MAMLD1: variants seen among roughly 807,000 people sequenced by gnomAD.
MAMLD1 encodes the protein mastermind like domain containing 1, also known as mastermind-like domain-containing protein 1.
MAMLD1 carries 14 observed loss-of-function variants against 45.0 expected under a neutral mutation model. That is an observed-to-expected ratio of 0.31 (90% CI 0.21 to 0.49). The LOEUF is 0.49. Among genes scored for constraint, MAMLD1 ranks in the 20% least tolerant of loss-of-function variants. The pLI, the probability that MAMLD1 is intolerant of heterozygous loss-of-function variation, is 0.99. For synonymous variants in MAMLD1, 254 were observed against 247.8 expected (o/e 1.02, Z -0.24); for missense variants, 543 against 603.6 (o/e 0.90, Z 1.05).
chrX:150,445,618 A>C lies in MAMLD1; in HGVS notation c.96+6A>C. On this transcript the variant is annotated splice_donor_region_variant and intron_variant, in intron 2 of 7. Transcript: ENST00000370401. ...CCAGAAAGCTCCAGGAATCGGTCAG[A>C]CAATGGGCCATGGGGGGAGGGGGGT... The C allele has an allele frequency of 8.6e-7, 1 of 1,160,555 alleles. No homozygotes were observed. Among genetic ancestry groups the C allele is most frequent in the Non-Finnish European group, 1.2e-6 (1 of 849,609 alleles).
At chrX:150,490,873 G>T (rs1420514398) in intron 5 of MAMLD1, among the ~76,000 whole-genome samples, 1 of 112,133 alleles carries the variant, frequency 8.9e-6, no homozygotes. Context: ...TACAAGGCTG[G>T]TTCAGTCTAT....
chrX:150,382,948 A>G (rs1239021076), intron 1 of MAMLD1, among the ~76,000 whole-genome samples: 2 of 48,113 alleles, frequency 4.2e-5, no homozygotes, highest in East Asian at 9.4e-4. Flanking sequence ...TCTGTCGCCC[A>G]GGCTGGACTG....
Position 150,470,747 on chromosome X carries a change from A to T in MAMLD1, c.1174A>T (p.Thr392Ser). 8.3e-7 allele frequency: 1 copy of T among 1,211,908 alleles called. No homozygotes were observed. Among genetic ancestry groups the T allele is most frequent in the Non-Finnish European group, 1.1e-6 (1 of 895,525 alleles). Reference sequence around the variant, plus strand: ...TCCCAATGCCTTACTGTCAAGCATGACGTCCAGCAGCAATGCTGCCCTGGG... The same window carrying T: ...TCCCAATGCCTTACTGTCAAGCATGTCGTCCAGCAGCAATGCTGCCCTGGG... ...GSPNALLSSM[T>S]SSSNAALGPA... Residue 392 changes from threonine to serine, a missense_variant, in exon 4 of 8, where the codon ACG (threonine) becomes TCG (serine). Coordinates refer to ENST00000370401, the MANE Select transcript of MAMLD1 (RefSeq NM_005491.5).
At chrX:150,368,774 A>T (rs1448087007) in intron 1 of MAMLD1, among the ~76,000 whole-genome samples, 1 of 112,296 alleles carries the variant, frequency 8.9e-6, no homozygotes, top group Admixed American at 9.4e-5. Flanking sequence ...TCAGCTTTCT[A>T]CATATGGCTA....
chrX:150,510,718 G>A (rs957227545), intron 7 of MAMLD1, among the ~76,000 whole-genome samples: 23 of 112,578 alleles, frequency 2.0e-4, no homozygotes, highest in Non-Finnish European at 3.9e-4. Context: ...GGACCAGGCC[G>A]AGGGTAGTCT....
rs781978965 is a variant in MAMLD1 at position 150,373,626 on chromosome X, T to G, written c.-64+10096T>G. ...GCTCACTGGCATTTTCAGCCATGCC[T>G]TTGGCTGCCAAATCCCGAGCAAATC... On this transcript the variant is annotated intron_variant, in intron 1 of 7. Transcript: ENST00000370401. Among the ~76,000 whole-genome samples the G allele has an allele frequency of 3.6e-5, 4 of 111,824 alleles. No homozygotes were observed. The South Asian group carries it at 1.1e-3, about 32-fold the overall frequency.
rs139037749 is a variant in MAMLD1, at chrX:150,394,242, C to G, written c.-64+30712C>G. On this transcript the variant is annotated intron_variant, in intron 1 of 7. Transcript: ENST00000370401. The stretch of plus-strand genomic sequence containing the variant: ...CTGCCTTTGCTCCTTTGTCAAAGAA[C>G]AGTTGAGTATATTCCTGTGGGTCTA... Among the ~76,000 whole-genome samples, 526 of 96,022 alleles carry G rather than the reference C, an allele frequency of 5.5e-3. 2 individuals carry two copies. The highest frequency in any genetic ancestry group is 0.019 in the African/African-American group (507 of 26,151). 83.4% of individuals were successfully genotyped at this position (96,022 alleles called of 115,157 possible).
chrX:150,490,040 G>T (rs1175522378), intron 5 of MAMLD1, among the ~76,000 whole-genome samples: 1 of 112,173 alleles, frequency 8.9e-6, no homozygotes, highest in East Asian at 2.8e-4. Context: ...GCATTACTAT[G>T]CTCACCATGT....
intron 2 of MAMLD1, among the ~76,000 whole-genome samples, chrX:150,451,703 C>A (rs2124611784): frequency 9.0e-6 from 1 of 110,712 alleles, no homozygotes; most frequent in Admixed American, 9.6e-5. Context: ...CCCTTCCTTC[C>A]TGCCTTTCCC....
intron 1 of MAMLD1, among the ~76,000 whole-genome samples, chrX:150,368,624 G>A (rs1330716774): frequency 1.8e-5 from 2 of 111,727 alleles, no homozygotes; most frequent in East Asian, 5.6e-4. Flanking sequence ...TTTTAGACAT[G>A]AAGTCCTTGC....
In MAMLD1 at chrX:150,514,032, C is replaced by T. The variant is rs781971038; in HGVS notation, c.*2073C>T. The T allele has an allele frequency of 2.9e-4, 83 of 287,486 alleles. No homozygotes were observed. Among genetic ancestry groups the T allele is most frequent in the Non-Finnish European group, 4.2e-4 (70 of 164,826 alleles). 23.7% of individuals were successfully genotyped at this position (287,486 alleles called of 1,213,427 possible). ...TTATAGAAAACCCACACCCACTGTC[C>T]TGTAAACTTTTCTCAGTGTCCAGAC... On this transcript the variant is annotated 3_prime_UTR_variant, in exon 8 of 8. Transcript: ENST00000370401.
chrX:150,473,137 G>A (rs782110036), intron 4 of MAMLD1, among the ~76,000 whole-genome samples: 4 of 112,358 alleles, frequency 3.6e-5, no homozygotes, highest in East Asian at 5.6e-4. Context: ...ACCCAGAAGT[G>A]CCTGCAGCAC....
intron 1 of MAMLD1, among the ~76,000 whole-genome samples, chrX:150,425,562 G>A (rs1216790078): frequency 8.9e-6 from 1 of 112,162 alleles, no homozygotes; most frequent in Non-Finnish European, 1.9e-5. Flanking sequence ...AGCACACCAA[G>A]TCATCCAGGC....
chrX:150,403,536 T>A (rs1177281441), intron 1 of MAMLD1, among the ~76,000 whole-genome samples: 1 of 111,340 alleles, frequency 9.0e-6, no homozygotes, highest in Non-Finnish European at 1.9e-5. Flanking sequence ...AAATTGAAGG[T>A]CAAATTTGTG....
chrX:150,398,257 GAAGAAGAAGAAGAAGAAGAAGAAGAAGA>G (rs2033522086), intron 1 of MAMLD1, among the ~76,000 whole-genome samples: 1 of 24,081 alleles, frequency 4.2e-5, no homozygotes, highest in African/African-American at 1.6e-4. Flanking sequence ...AGAAGGAGAA[GAAGAAGAAGAAGAAGAAGAAGAAGAAGA>G]AGAAGAAGAA....
At chrX:150,435,673 G>A (rs1557404265) in intron 1 of MAMLD1, among the ~76,000 whole-genome samples, 1 of 112,441 alleles carries the variant, frequency 8.9e-6, no homozygotes, top group Non-Finnish European at 1.9e-5. Flanking sequence ...TACTCAACTT[G>A]GCACTCTGTG....
At chrX:150,503,683 G>T (rs1352891480) in intron 6 of MAMLD1, among the ~76,000 whole-genome samples, 166 bp downstream of exon 6, 2 of 112,340 alleles carry the variant, frequency 1.8e-5, no homozygotes, top group Non-Finnish European at 3.8e-5. Flanking sequence ...TGCTTCCTGG[G>T]CCTGCTTGTT....
At chrX:150,469,653 C>CTT in intron 3 of MAMLD1, 92 bp from the exon 4 acceptor site, 1 of 484,531 alleles carries the variant, frequency 2.1e-6, no homozygotes, top group Non-Finnish European at 3.4e-6. Flanking sequence ...CTCTCTCTCT[C>CTT]TCTGTGTGTG....
intron 4 of MAMLD1, among the ~76,000 whole-genome samples, chrX:150,473,013 A>G (rs2036475433): frequency 8.9e-6 from 1 of 112,047 alleles, no homozygotes; most frequent in Admixed American, 9.4e-5. Context: ...TAAAACAGTG[A>G]CCTGATCATG....
Sources: gnomAD v4.1 joint callset for allele counts (sites outside exome capture counted in the v4.1 genomes callset) on GRCh38, gnomAD v4.1.1 for gene constraint, MANE v1.5 for transcripts, NCBI Gene and HGNC (gene_info 2026-07-23, HGNC 2026-07-21) for gene names.